FANCD2: variants seen among roughly 807,000 people sequenced by gnomAD.
The protein encoded by FANCD2 is Fanconi anemia group D2 protein.
FANCD2 carries 131 observed loss-of-function variants against 192.3 expected under a neutral mutation model. The ratio of observed to expected loss-of-function variants is 0.68; its 90% CI spans 0.59 to 0.79. The LOEUF (loss-of-function observed/expected upper bound fraction) is 0.79. Among genes scored for constraint, FANCD2 ranks in the 30% least tolerant of loss-of-function variants. The pLI is 0.00. For missense variants in FANCD2, 1,508 were observed against 1,701.6 expected, an observed-to-expected ratio of 0.89 and a Z score of 2.00; for synonymous variants, 524 against 612.5, an observed-to-expected ratio of 0.86 and a Z score of 2.13.
At chr3:10,033,326 G>A (rs949765524) in intron 3 of FANCD2, among the ~76,000 whole-genome samples, 6 of 152,030 alleles carry the variant, frequency 3.9e-5, no homozygotes, top group South Asian at 2.1e-4. Flanking sequence ...GCTTGAACCC[G>A]GGAGGTGAAA....
intron 31 of FANCD2, 30 bp downstream of exon 31, chr3:10,081,258 G>A: frequency 6.2e-7 from 1 of 1,613,968 alleles, no homozygotes; most frequent in Non-Finnish European, 8.5e-7. Flanking sequence ...AAGCTGCTAA[G>A]CAAATATGAG....
chr3:10,081,477 G>C lies in FANCD2; in HGVS notation c.3224+13G>C, dbSNP rs764386433. 3 of 1,530,328 alleles carry C rather than the reference G, an allele frequency of 2.0e-6. No individual in the cohort carries two copies. The East Asian group carries it at 6.7e-5, about 34-fold the overall frequency. The allele number at this position is 1,530,328 out of a possible 1,614,324, so 94.8% of individuals were successfully genotyped here. A position where few individuals can be genotyped will look rare whatever the true frequency, so the allele number is the denominator to read the frequency against. ...GGCTTTTTGCTTGGTAAGTATGTGG[G>C]AAGTGTGGAGAGAACTGAGTATATA... On this transcript the variant is annotated intron_variant, in intron 32 of 43. Transcript: ENST00000675286.
chr3:10,035,037 C>T (rs573520348), intron 5 of FANCD2, 136 bp from the exon 6 acceptor site: 6 of 768,900 alleles, frequency 7.8e-6, no homozygotes, highest in African/African-American at 7.0e-5. Context: ...GCCATCTGCT[C>T]ATTTCTGTAT....
chr3:10,030,761 G>A (rs1020587506), intron 2 of FANCD2, among the ~76,000 whole-genome samples: 3 of 152,052 alleles, frequency 2.0e-5, no homozygotes, highest in East Asian at 1.9e-4. Flanking sequence ...TTAGCTGGGC[G>A]TGGTGTCACG....
rs374941138 is a variant in FANCD2 at position 10,063,642 on chromosome 3, G to T, written c.1828-150G>T. The T allele has an allele frequency of 9.2e-6, 9 of 976,858 alleles. No individual in the cohort carries two copies. The South Asian group carries it at 1.1e-4, about 12-fold the overall frequency. The allele number at this position is 976,858 out of a possible 1,614,324, so 60.5% of individuals were successfully genotyped here. On this transcript the variant is annotated intron_variant, in intron 20 of 43. Coordinates refer to ENST00000675286, the MANE Select transcript of FANCD2 (RefSeq NM_001018115.3). ...AAAGGGATGATATCAGAAGGAGACA[G>T]ACGGGTCAGAACATTCAGGAAAACT...
intron 10 of FANCD2, among the ~76,000 whole-genome samples, chr3:10,042,245 G>A (rs1182279253): frequency 2.6e-5 from 4 of 152,086 alleles, no homozygotes; most frequent in Non-Finnish European, 5.9e-5. Flanking sequence ...CTTCCATGTT[G>A]TCTGAGTCAT....
Position 10,043,146 on chromosome 3 carries a change from G to A in FANCD2, c.985G>A (p.Ala329Thr), listed in dbSNP as rs765666007. The A allele has an allele frequency of 6.8e-6, 11 of 1,613,646 alleles. No individual in the cohort carries two copies. The highest frequency in any genetic ancestry group is 1.7e-6 in the Non-Finnish European group (2 of 1,179,640). Residue 329 changes from alanine to threonine, a missense_variant, in exon 12 of 44, where the codon GCA becomes ACA. By Grantham distance (58) the Ala-to-Thr change is moderately conservative. This residue lies in a region of FANCD2 where 435 missense variants were observed against 421.9 expected (regional missense o/e 1.03). Coordinates refer to ENST00000675286, the MANE Select transcript of FANCD2 (RefSeq NM_001018115.3). ...AGTAAAGTTGAAAAGTAAAGGACGA[G>A]CAAGGTAAAGAGCTCATCCTCACAC... ...SQVKLKSKGR[A>T]SSSGNQESSG...
chr3:10,089,923 G>T (rs989916278), intron 36 of FANCD2, among the ~76,000 whole-genome samples: 38 of 152,282 alleles, frequency 2.5e-4, no homozygotes, highest in African/African-American at 8.7e-4. Flanking sequence ...TGATAATTCT[G>T]TGAGGTTGGT....
At chr3:10,044,787 T>G (rs1322187981) in intron 14 of FANCD2, among the ~76,000 whole-genome samples, 2 of 152,230 alleles carry the variant, frequency 1.3e-5, no homozygotes, top group African/African-American at 4.8e-5. Flanking sequence ...ATCAAAGTAC[T>G]CCAACACACT....
At chr3:10,038,631 A>G (rs746987307) in intron 7 of FANCD2, among the ~76,000 whole-genome samples, 72 of 136,150 alleles carry the variant, frequency 5.3e-4, no homozygotes, top group Non-Finnish European at 4.3e-4. Flanking sequence ...CCCAGGCTGG[A>G]GTGCAGTGGC....
Position 10,039,101 on chromosome 3 carries a change from G to A in FANCD2, c.492-178G>A, listed in dbSNP as rs1014216384. 3.3e-5 allele frequency among the ~76,000 whole-genome samples: 5 copies of A among 152,042 alleles called. No homozygotes were observed. The East Asian group carries it at 5.8e-4, about 18-fold the overall frequency. On this transcript the variant is annotated intron_variant, in intron 7 of 43. Transcript: ENST00000675286. ...CTTCTAGACATTTTTCTTAACATAC[G>A]TAAGCATGTATCTCCTGCATCTTGG...
rs145889419 is a variant in FANCD2, at chr3:10,098,896, G to A, written c.4281+81G>A. The A allele has an allele frequency of 2.2e-5, 36 of 1,614,138 alleles. No individual in the cohort carries two copies. The African/African-American group carries it at 4.5e-4, about 20-fold the overall frequency. ...TTCTAAGTTGGTGGAGCAGAACTTTGCCTACTTATGTTTATTGTCAAATGC... is the reference window on the plus strand; with the variant it reads ...TTCTAAGTTGGTGGAGCAGAACTTTACCTACTTATGTTTATTGTCAAATGC... On this transcript the variant is annotated intron_variant, in intron 43 of 43. Coordinates refer to ENST00000675286, the MANE Select transcript of FANCD2 (RefSeq NM_001018115.3).
Position 10,073,358 on chromosome 3 carries a change from A to G in FANCD2, c.2711A>G (p.Asn904Ser). The G allele has an allele frequency of 6.2e-7, 1 of 1,606,180 alleles. No homozygotes were observed. Among genetic ancestry groups the G allele is most frequent in the Non-Finnish European group, 8.5e-7 (1 of 1,172,770 alleles). Reference sequence around the variant, plus strand: ...ACGCCATCTCATAGAGGCCAGCTAAACAAGGTATTGGAATGATGGGTATCC... The same window carrying G: ...ACGCCATCTCATAGAGGCCAGCTAAGCAAGGTATTGGAATGATGGGTATCC... Reference protein sequence around the residue: ...DPTPSHRGQLNKEFTGKEEKT... With the variant: ...DPTPSHRGQLSKEFTGKEEKT... The change falls in exon 28 of 44, where the codon AAC becomes AGC. Residue 904 changes from asparagine to serine, a missense_variant. This residue lies in a region of FANCD2 where 796 missense variants were observed against 879.4 expected (regional missense o/e 0.91). Transcript: ENST00000675286.
At chr3:10,061,929 A>G (rs567613045) in intron 19 of FANCD2, among the ~76,000 whole-genome samples, 3 of 137,566 alleles carry the variant, frequency 2.2e-5, no homozygotes, top group East Asian at 4.9e-4. Flanking sequence ...ATGAGAACAC[A>G]TGGACACAGG....
At chr3:10,058,057 A>G in intron 18 of FANCD2, 1 of 490,728 alleles carries the variant, frequency 2.0e-6, no homozygotes, top group Non-Finnish European at 3.8e-6. Context: ...TTTTTCTTCC[A>G]GGGATGTACT....
At chr3:10,074,895 G>A (rs917321163) in intron 29 of FANCD2, among the ~76,000 whole-genome samples, 1 of 151,776 alleles carries the variant, frequency 6.6e-6, no homozygotes, top group Non-Finnish European at 1.5e-5. Context: ...TCATGCCAAT[G>A]ATGTAATCCT....
intron 17 of FANCD2, 83 bp from the exon 18 acceptor site, chr3:10,052,304 C>A: frequency 1.1e-6 from 1 of 915,498 alleles, no homozygotes; most frequent in Non-Finnish European, 1.8e-6. Context: ...ATGTGTGTCT[C>A]TTTTACAGGG....
intron 25 of FANCD2, 129 bp downstream of exon 25, chr3:10,066,108 T>C (rs1575795682): frequency 8.8e-6 from 6 of 683,434 alleles, no homozygotes; most frequent in South Asian, 4.5e-5. Flanking sequence ...CTAGCTGTTA[T>C]GTCCCACCAC....
At chr3:10,068,980 A>G (rs2087795070) in intron 26 of FANCD2, among the ~76,000 whole-genome samples, 1 of 152,242 alleles carries the variant, frequency 6.6e-6, no homozygotes, top group Non-Finnish European at 1.5e-5. Context: ...CTTGCCATAT[A>G]CAAAAATCAA....
Sources: gnomAD v4.1 joint callset for allele counts (sites outside exome capture counted in the v4.1 genomes callset) on GRCh38, gnomAD v4.1.1 for gene constraint, gnomAD v4.1.1 regional missense constraint, MANE v1.5 for transcripts, NCBI Gene and HGNC (gene_info 2026-07-23, HGNC 2026-07-21) for gene names.